SNAP25: variants seen among roughly 807,000 people sequenced by gnomAD.
SNAP25 encodes the protein synaptosome associated protein 25, also known as synaptosomal-associated protein 25.
In SNAP25, 3 loss-of-function variants were observed where a neutral mutation model predicts 28.7. The observed-to-expected ratio is 0.10, with a 90% CI of 0.05 to 0.27. The LOEUF is 0.27. SNAP25 is among the 10% of genes least tolerant of loss of function. The probability of loss-of-function intolerance (pLI) is 1.00; values close to 1 mark genes in which losing one functional copy is unlikely to be tolerated. For synonymous variants in SNAP25, 61 were observed against 88.1 expected (o/e 0.69, Z 1.72); for missense variants, 117 against 278.7 (o/e 0.42, Z 4.13).
At chr20:10,238,470 AG>A (rs1054372916) in intron 1 of SNAP25, among the ~76,000 whole-genome samples, 47 of 152,272 alleles carry the variant, frequency 3.1e-4, no homozygotes, top group African/African-American at 1.1e-3. Flanking sequence ...CTGCAGTCTC[AG>A]GGGGGCTCCA....
rs901090522 is a variant in SNAP25 at position 10,299,273 on chromosome 20, C to G, written c.413C>G (p.Thr138Arg). 1.2e-6 allele frequency: 2 copies of G among 1,613,638 alleles called. No individual in the cohort carries two copies. The highest frequency in any genetic ancestry group is 1.7e-6 in the Non-Finnish European group (2 of 1,179,886). ...ACTTGCTCTTTGGATCCCAGGGTAA[C>G]AAATGATGCCCGAGAAAATGAAATG... ...AISGGFIRRVTNDARENEMDE... is the reference protein window; with the variant it reads ...AISGGFIRRVRNDARENEMDE... The change falls in exon 7 of 8, where the codon ACA becomes AGA. Residue 138 changes from threonine to arginine, a missense_variant. Coordinates refer to ENST00000254976, the MANE Select transcript of SNAP25 (RefSeq NM_130811.4).
At chr20:10,305,559 A>T (rs530632911) in intron 7 of SNAP25, among the ~76,000 whole-genome samples, 5 of 152,130 alleles carry the variant, frequency 3.3e-5, no homozygotes, top group African/African-American at 1.2e-4. Flanking sequence ...AGGAAGAAAG[A>T]AATTCACACA....
intron 1 of SNAP25, among the ~76,000 whole-genome samples, chr20:10,270,357 G>A (rs551677268): frequency 5.9e-5 from 9 of 152,098 alleles, no homozygotes; most frequent in Admixed American, 1.3e-4. Flanking sequence ...GCTACTCAAC[G>A]TGTGCTCTGT....
chr20:10,274,909 G>C (rs1429389088), intron 1 of SNAP25, among the ~76,000 whole-genome samples: 1 of 152,052 alleles, frequency 6.6e-6, no homozygotes, highest in African/African-American at 2.4e-5. Context: ...TAGGGCAGGG[G>C]CCAGTGGGTG....
intron 5 of SNAP25, chr20:10,296,711 C>T (rs2064118614): frequency 5.1e-6 from 3 of 585,266 alleles, no homozygotes; most frequent in South Asian, 4.6e-5. Context: ...GATTGCAGTC[C>T]ATTGCAATGG....
rs750947927 is a variant in SNAP25, at chr20:10,293,323, A to G, written c.281+45A>G. The G allele has an allele frequency of 5.4e-6, 8 of 1,469,382 alleles. No individual in the cohort carries two copies. In the South Asian group the frequency reaches 9.1e-5, roughly 17 times the overall value. 91.0% of individuals were successfully genotyped at this position (1,469,382 alleles called of 1,614,324 possible). A position where few individuals can be genotyped will look rare whatever the true frequency, so the allele number is the denominator to read the frequency against. On this transcript the variant is annotated intron_variant, in intron 5 of 7. Transcript: ENST00000254976. The surrounding 1 kb of genome is among the most constrained non-coding windows in gnomAD (Gnocchi z 5.6). ...CTGAAGCTTTGATTTCCCAAGGCCC[A>G]TCTCCAAGCCTTGACAAGCTCATTC...
At chr20:10,259,603 A>T (rs915565894) in intron 1 of SNAP25, among the ~76,000 whole-genome samples, 1 of 151,824 alleles carries the variant, frequency 6.6e-6, no homozygotes, top group Non-Finnish European at 1.5e-5. Context: ...CTATAATGTG[A>T]TCATAGCTCA....
intron 1 of SNAP25, among the ~76,000 whole-genome samples, chr20:10,274,185 T>A (rs995061932): frequency 2.6e-5 from 4 of 152,166 alleles, no homozygotes; most frequent in Non-Finnish European, 5.9e-5. Context: ...CCAGTCCTTG[T>A]ACCTGTCATT....
intron 1 of SNAP25, among the ~76,000 whole-genome samples, chr20:10,223,666 A>C (rs1417494962): frequency 6.6e-6 from 1 of 151,294 alleles, no homozygotes; most frequent in Non-Finnish European, 1.5e-5. Context: ...GGGGACAAAA[A>C]GTTAAAAAAA....
intron 2 of SNAP25, among the ~76,000 whole-genome samples, chr20:10,276,230 G>T (rs546319763): frequency 6.6e-6 from 1 of 152,104 alleles, no homozygotes; most frequent in Non-Finnish European, 1.5e-5. Context: ...CAGGAGGATC[G>T]CATAGGCCAA....
rs555306801 is a variant in SNAP25 at position 10,241,993 on chromosome 20, C to T, written c.-64+23016C>T. ...TATGACTATGGGTGAAGCAACCTAACCCAGGGAGGCAGCATTCCTTACTAG... is the reference window on the plus strand; with the variant it reads ...TATGACTATGGGTGAAGCAACCTAATCCAGGGAGGCAGCATTCCTTACTAG... On this transcript the variant is annotated intron_variant, in intron 1 of 7. Transcript: ENST00000254976. Among the ~76,000 whole-genome samples the T allele has an allele frequency of 2.6e-5, 4 of 152,218 alleles. No homozygotes were observed. The East Asian group carries it at 7.7e-4, about 29-fold the overall frequency.
At chr20:10,289,619 A>T (rs1192766001) in intron 4 of SNAP25, among the ~76,000 whole-genome samples, 1 of 151,040 alleles carries the variant, frequency 6.6e-6, no homozygotes, top group Non-Finnish European at 1.5e-5. Flanking sequence ...AGGGCTATTT[A>T]AATTTAAATA....
intron 1 of SNAP25, among the ~76,000 whole-genome samples, chr20:10,228,302 G>A (rs565234809): frequency 6.6e-6 from 1 of 152,218 alleles, no homozygotes; most frequent in South Asian, 2.1e-4. Flanking sequence ...TTCCATGGCA[G>A]CCTTAAAAGA....
At chr20:10,300,372 T>C (rs1318715927) in intron 7 of SNAP25, among the ~76,000 whole-genome samples, 1 of 152,228 alleles carries the variant, frequency 6.6e-6, no homozygotes, top group African/African-American at 2.4e-5. Context: ...CAAACTCTTA[T>C]GTCCAAATGC....
chr20:10,279,503 G>A (rs550076376), intron 3 of SNAP25, among the ~76,000 whole-genome samples: 22 of 152,314 alleles, frequency 1.4e-4, no homozygotes, highest in African/African-American at 5.1e-4. Flanking sequence ...GTGGAAAGGA[G>A]CAAAACAAAT....
At chr20:10,226,981 C>T (rs1395021828) in intron 1 of SNAP25, among the ~76,000 whole-genome samples, 1 of 152,056 alleles carries the variant, frequency 6.6e-6, no homozygotes, top group East Asian at 1.9e-4. Context: ...ATCCTATTCC[C>T]AACTCCAAAA....
intron 1 of SNAP25, among the ~76,000 whole-genome samples, chr20:10,220,112 C>A (rs370729508): frequency 6.6e-6 from 1 of 152,112 alleles, no homozygotes; most frequent in South Asian, 2.1e-4. Context: ...TATGAAGAAG[C>A]CAATGCTATC....
At chr20:10,286,899 T>G (rs1307016084) in intron 4 of SNAP25, among the ~76,000 whole-genome samples, 1 of 152,196 alleles carries the variant, frequency 6.6e-6, no homozygotes, top group Non-Finnish European at 1.5e-5. Context: ...CCCAATGGGT[T>G]TGTTATTATT....
rs138192120 is a variant in SNAP25, at chr20:10,294,220, T to G, written c.281+942T>G. ...GAAGACTTTTTCCTAAAAGCTCTCC[T>G]GATCCTAGCTTTTAGAATAGAAATT... On this transcript the variant is annotated intron_variant, in intron 5 of 7. Transcript: ENST00000254976. 1.2e-3 allele frequency among the ~76,000 whole-genome samples: 188 copies of G among 152,350 alleles called. 1 individual carries two copies. Among genetic ancestry groups the G allele is most frequent in the African/African-American group, 4.2e-3 (174 of 41,590 alleles).
Sources: gnomAD v4.1 joint callset for allele counts (sites outside exome capture counted in the v4.1 genomes callset) on GRCh38, gnomAD v4.1.1 for gene constraint, Gnocchi (gnomAD v3.1) non-coding constraint, MANE v1.5 for transcripts, NCBI Gene and HGNC (gene_info 2026-07-23, HGNC 2026-07-21) for gene names.